PBX3: variants seen among roughly 807,000 people sequenced by gnomAD.
PBX3 encodes the protein PBX homeobox 3.
PBX3 carries 14 observed loss-of-function variants against 48.5 expected under a neutral mutation model. The ratio of observed to expected loss-of-function variants is 0.29; its 90% CI spans 0.19 to 0.45. PBX3 has a LOEUF of 0.45. Ranked by LOEUF, PBX3 falls within the 20% of genes least tolerant of loss-of-function variation. PBX3 has a pLI of 1.00. For synonymous variants in PBX3, 210 were observed against 200.3 expected, an observed-to-expected ratio of 1.05 and a Z score of -0.41; for missense variants, 386 against 546.7, an observed-to-expected ratio of 0.71 and a Z score of 2.93.
At chr9:125,822,293 T>C (rs1260461831) in intron 2 of PBX3, among the ~76,000 whole-genome samples, 5 of 152,274 alleles carry the variant, frequency 3.3e-5, no homozygotes, top group Admixed American at 6.5e-5. Flanking sequence ...ATACAGCATA[T>C]AGCTTTAAAA....
At chr9:125,915,647 G>A (rs371296116) in intron 2 of PBX3, 39 bp from the exon 3 acceptor site, 34 of 1,513,026 alleles carry the variant, frequency 2.2e-5, no homozygotes, top group Middle Eastern at 2.2e-4. Flanking sequence ...TCTGTTTCTC[G>A]CTTCTTCTCT....
chr9:125,940,682 A>G (rs1248661901), intron 5 of PBX3, among the ~76,000 whole-genome samples: 1 of 152,276 alleles, frequency 6.6e-6, no homozygotes, highest in Non-Finnish European at 1.5e-5. Context: ...TGAATGAACT[A>G]TAACTATATG....
At position 125,793,093 on chromosome 9, in the gene PBX3, C is replaced by T. The variant is rs182263663; in HGVS notation, c.274+44470C>T. Among the ~76,000 whole-genome samples the T allele has an allele frequency of 5.9e-5, 9 of 151,684 alleles. No individual in the cohort carries two copies. The East Asian group carries it at 1.8e-3, about 30-fold the overall frequency. On this transcript the variant is annotated intron_variant, in intron 2 of 8. Transcript: ENST00000373489. ...ATTGGCCAGGTACGGTGGCTCATGCCTGTAATCCCAGCACTTTGGGAGGCC... is the reference window on the plus strand; with the variant it reads ...ATTGGCCAGGTACGGTGGCTCATGCTTGTAATCCCAGCACTTTGGGAGGCC...
intron 2 of PBX3, among the ~76,000 whole-genome samples, chr9:125,825,009 G>A (rs552349917): frequency 4.6e-5 from 7 of 152,306 alleles, no homozygotes; most frequent in Non-Finnish European, 7.4e-5. Flanking sequence ...GAATTGCCAG[G>A]CATAGTGGCT....
intron 2 of PBX3, among the ~76,000 whole-genome samples, chr9:125,855,301 CT>C (rs1002332791): frequency 1.3e-5 from 2 of 151,762 alleles, no homozygotes. Context: ...TTTTTATTAA[CT>C]TTTTTTTACA....
intron 5 of PBX3, among the ~76,000 whole-genome samples, chr9:125,946,309 C>CA (rs1234529992): frequency 2.0e-5 from 3 of 151,862 alleles, no homozygotes; most frequent in African/African-American, 7.3e-5. Context: ...CAAAACAAAA[C>CA]AAAAACAAAC....
At chr9:125,798,934 A>C (rs1180524802) in intron 2 of PBX3, among the ~76,000 whole-genome samples, 1 of 152,016 alleles carries the variant, frequency 6.6e-6, no homozygotes, top group African/African-American at 2.4e-5. Context: ...TAAGACTTTA[A>C]TATTAATTTT....
intron 2 of PBX3, among the ~76,000 whole-genome samples, chr9:125,757,147 T>C (rs1017059974): frequency 6.6e-6 from 1 of 152,118 alleles, no homozygotes. Context: ...TTAAAAAATA[T>C]ATATATTTGA....
At chr9:125,938,195 T>G (rs1841880413) in intron 5 of PBX3, among the ~76,000 whole-genome samples, 1 of 152,180 alleles carries the variant, frequency 6.6e-6, no homozygotes, top group African/African-American at 2.4e-5. Context: ...AGAAGAAGTG[T>G]AAGGCAATAT....
intron 2 of PBX3, among the ~76,000 whole-genome samples, chr9:125,819,248 G>T (rs1838572473): frequency 6.6e-6 from 1 of 151,308 alleles, no homozygotes; most frequent in African/African-American, 2.4e-5. Flanking sequence ...AATTTTCAAG[G>T]CCAGGCGGGG....
At chr9:125,948,310 A>G (rs1429370781) in intron 5 of PBX3, among the ~76,000 whole-genome samples, 2 of 152,248 alleles carry the variant, frequency 1.3e-5, no homozygotes, top group Non-Finnish European at 2.9e-5. Flanking sequence ...TTAAGCACTT[A>G]TAGAACAATT....
At chr9:125,808,130 C>G (rs2132116974) in intron 2 of PBX3, among the ~76,000 whole-genome samples, 1 of 152,276 alleles carries the variant, frequency 6.6e-6, no homozygotes, top group East Asian at 1.9e-4. Flanking sequence ...GTAAAAATCA[C>G]TACATACATA....
At chr9:125,922,682 G>A (rs982166505) in intron 3 of PBX3, among the ~76,000 whole-genome samples, 2 of 152,086 alleles carry the variant, frequency 1.3e-5, no homozygotes, top group Admixed American at 6.6e-5. Flanking sequence ...GTGGTTGGGT[G>A]GCCCTTCCAA....
intron 5 of PBX3, among the ~76,000 whole-genome samples, chr9:125,957,881 C>T (rs1200458593): frequency 1.3e-5 from 2 of 152,168 alleles, no homozygotes; most frequent in Non-Finnish European, 2.9e-5. Context: ...CAGTCTTAGT[C>T]AGAAACGCTA....
chr9:125,894,168 T>C (rs901349278), intron 2 of PBX3, among the ~76,000 whole-genome samples: 1 of 152,188 alleles, frequency 6.6e-6, no homozygotes, highest in East Asian at 1.9e-4. Context: ...CCCTGCATGA[T>C]TGGATATCCT....
intron 2 of PBX3, among the ~76,000 whole-genome samples, chr9:125,820,489 C>G (rs1838618824): frequency 1.3e-5 from 2 of 152,234 alleles, no homozygotes; most frequent in Non-Finnish European, 2.9e-5. Context: ...GTGGGACTTA[C>G]TGGCACCATG....
intron 3 of PBX3, among the ~76,000 whole-genome samples, chr9:125,928,297 T>C (rs1285751486): frequency 6.6e-6 from 1 of 152,022 alleles, no homozygotes; most frequent in Admixed American, 6.6e-5. Flanking sequence ...GAGGATTGCT[T>C]GAGCCCAGGG....
chr9:125,965,944 T>G lies in PBX3; in HGVS notation c.*21T>G, dbSNP rs1157812720. On this transcript the variant is annotated 3_prime_UTR_variant, in exon 9 of 9. Transcript: ENST00000373489. Reference sequence around the variant, plus strand: ...ACTAATCTCTGGCCACACTTTTCCCTGAGCTACATGCCTTGATAAGTGCAT... The same window carrying G: ...ACTAATCTCTGGCCACACTTTTCCCGGAGCTACATGCCTTGATAAGTGCAT... 1 of 1,567,724 alleles carries G rather than the reference T, an allele frequency of 6.4e-7. No individual in the cohort carries two copies. Among genetic ancestry groups the G allele is most frequent in the East Asian group, 2.2e-5 (1 of 44,652 alleles).
intron 5 of PBX3, among the ~76,000 whole-genome samples, chr9:125,951,662 A>G (rs1842198145): frequency 6.6e-6 from 1 of 152,234 alleles, no homozygotes; most frequent in Non-Finnish European, 1.5e-5. Context: ...TAATGTTCAC[A>G]ACAGCCCCAT....
Sources: gnomAD v4.1 joint callset for allele counts (sites outside exome capture counted in the v4.1 genomes callset) on GRCh38, gnomAD v4.1.1 for gene constraint, MANE v1.5 for transcripts, NCBI Gene and HGNC (gene_info 2026-07-23, HGNC 2026-07-21) for gene names.